The following FRMPD4 variants were observed in gnomAD, a reference collection of about 807,000 sequenced individuals.
FRMPD4 encodes FERM and PDZ domain-containing protein 4.
A neutral mutation model predicts 94.1 loss-of-function variants in FRMPD4; 22 were observed. The ratio of observed to expected loss-of-function variants is 0.23; its 90% CI spans 0.17 to 0.33. The LOEUF is 0.33. Among genes scored for constraint, FRMPD4 ranks in the 10% least tolerant of loss-of-function variants. FRMPD4 has a pLI of 1.00. For missense variants in FRMPD4, 1,111 were observed against 1,339.9 expected (o/e 0.83, Z 2.67); for synonymous variants, 631 against 548.6 (o/e 1.15, Z -2.10).
intron 1 of FRMPD4, among the ~76,000 whole-genome samples, chrX:12,230,071 A>G (rs976859679): frequency 9.0e-6 from 1 of 111,035 alleles, no homozygotes; most frequent in Non-Finnish European, 1.9e-5. Context: ...AGGCTCTTCC[A>G]TGCCTTCTTC....
chrX:12,542,531 G>A lies in FRMPD4; in HGVS notation c.158+43735G>A, dbSNP rs1381959875. Among the ~76,000 whole-genome samples the A allele has an allele frequency of 9.8e-5, 11 of 111,906 alleles. No homozygotes were observed. The Admixed American group carries it at 1.0e-3, about 11-fold the overall frequency. The stretch of plus-strand genomic sequence containing the variant: ...ACCTAGGAAGGAATTCAACTTACAA[G>A]GGATGTGAAGAACCTCTTCAAGGAG... On this transcript the variant is annotated intron_variant, in intron 2 of 16. Coordinates refer to ENST00000675598, the MANE Select transcript of FRMPD4 (RefSeq NM_001368397.1).
At chrX:12,135,069 T>G (rs1344255172), upstream of FRMPD4, among the ~76,000 whole-genome samples, 1 of 112,172 alleles carries the variant, frequency 8.9e-6, no homozygotes, top group Non-Finnish European at 1.9e-5. Context: ...TGTGTCTGGT[T>G]TTCAGAAATG....
At chrX:11,961,736 A>T (rs1192974345) in intron 3 of FRMPD4, among the ~76,000 whole-genome samples, 2 of 110,775 alleles carry the variant, frequency 1.8e-5, no homozygotes, top group Admixed American at 9.6e-5. Context: ...AAGCCCCTTC[A>T]CTATGCGGTA....
chrX:11,987,087 C>G (rs1472399425), intron 3 of FRMPD4, among the ~76,000 whole-genome samples: 2 of 40,955 alleles, frequency 4.9e-5, no homozygotes, highest in Non-Finnish European at 7.9e-5. Flanking sequence ...CAAGACCAGG[C>G]AAAGACACAT....
chrX:12,193,825 AGG>A lies in FRMPD4; in HGVS notation c.41+54814_41+54815del, dbSNP rs1569186690. 2.4e-3 allele frequency among the ~76,000 whole-genome samples: 85 copies of A among 36,123 alleles called. 19 individuals carry two copies. Among genetic ancestry groups the A allele is most frequent in the African/African-American group, 0.012 (72 of 6,120 alleles). 31.4% of individuals were successfully genotyped at this position (36,123 alleles called of 115,157 possible). ...AAGGAAGGAAGGAAGGAAGGAAGGA[AGG>A]AGGGAAGGAAGAAAGAAAAGAAAGA... On this transcript the variant is annotated intron_variant, in intron 1 of 16. Transcript: ENST00000675598.
intron 1 of FRMPD4, among the ~76,000 whole-genome samples, chrX:12,250,878 G>A (rs2054029434): frequency 9.0e-6 from 1 of 111,125 alleles, no homozygotes; most frequent in South Asian, 3.9e-4. Context: ...GGCCGTTGCT[G>A]GGAGAGGCCT....
chrX:11,847,587 G>A (rs778749248), intron 1 of FRMPD4, among the ~76,000 whole-genome samples: 2 of 108,085 alleles, frequency 1.9e-5, no homozygotes, highest in African/African-American at 3.5e-5. Flanking sequence ...GCACACGTAT[G>A]TTTATTGCGG....
intron 1 of FRMPD4, among the ~76,000 whole-genome samples, chrX:12,312,377 C>T (rs978649656): frequency 1.9e-5 from 2 of 105,738 alleles, no homozygotes; most frequent in South Asian, 4.4e-4. Flanking sequence ...CTCAGCCTCC[C>T]GAGTAGCTGG....
At chrX:12,564,155 A>G (rs1277341179) in intron 2 of FRMPD4, among the ~76,000 whole-genome samples, 4 of 111,464 alleles carry the variant, frequency 3.6e-5, no homozygotes, top group Non-Finnish European at 5.7e-5. Context: ...CACTAATCCT[A>G]TTTGTGAGGG....
intron 3 of FRMPD4, among the ~76,000 whole-genome samples, chrX:11,961,241 T>G (rs774359797): frequency 8.9e-5 from 10 of 112,237 alleles, no homozygotes; most frequent in Non-Finnish European, 1.7e-4. Flanking sequence ...CTCTCTCTCC[T>G]CTTCTGGAGC....
chrX:11,909,617 C>G (rs2053985885), intron 3 of FRMPD4, among the ~76,000 whole-genome samples: 1 of 109,628 alleles, frequency 9.1e-6, no homozygotes, highest in African/African-American at 3.3e-5. Context: ...TGAGTTGGAG[C>G]TTAAAACACT....
chrX:12,615,035 AC>A (rs1362415796), intron 4 of FRMPD4, among the ~76,000 whole-genome samples, 154 bp downstream of exon 4: 2 of 111,646 alleles, frequency 1.8e-5, no homozygotes, highest in African/African-American at 6.5e-5. Context: ...GCTGACACTG[AC>A]CTGTAATATC....
intron 9 of FRMPD4, 76 bp from the exon 10 acceptor site, chrX:12,701,798 A>G: frequency 9.4e-7 from 1 of 1,061,692 alleles, no homozygotes; most frequent in Non-Finnish European, 1.3e-6. Context: ...CGGGAAATGT[A>G]TGTCACCTGT....
At chrX:12,075,967 A>T (rs1323712788) in intron 3 of FRMPD4, among the ~76,000 whole-genome samples, 1 of 111,858 alleles carries the variant, frequency 8.9e-6, no homozygotes, top group Non-Finnish European at 1.9e-5. Flanking sequence ...TTATTCTATG[A>T]ATTCTTTTTG....
chrX:12,508,091 A>T (rs1192361709), intron 2 of FRMPD4, among the ~76,000 whole-genome samples: 2 of 112,582 alleles, frequency 1.8e-5, no homozygotes, highest in Non-Finnish European at 3.8e-5. Context: ...TGTACTTTCA[A>T]AAAGTTAATT....
intron 3 of FRMPD4, among the ~76,000 whole-genome samples, chrX:12,095,342 C>T (rs1201820484): frequency 9.5e-6 from 1 of 105,185 alleles, no homozygotes; most frequent in East Asian, 3.0e-4. Flanking sequence ...TATGCCACTG[C>T]ACTCCAGCCT....
At chrX:12,045,964 G>C (rs1431072730) in intron 3 of FRMPD4, among the ~76,000 whole-genome samples, 1 of 111,292 alleles carries the variant, frequency 9.0e-6, no homozygotes. Context: ...CCATTAGTTT[G>C]GGACAAATAA....
At chrX:11,843,100 T>A (rs189271692) in intron 1 of FRMPD4, among the ~76,000 whole-genome samples, 3 of 112,181 alleles carry the variant, frequency 2.7e-5, no homozygotes, top group Non-Finnish European at 5.6e-5. Context: ...GTGCATGAAA[T>A]TAGTTGATTT....
Position 12,301,059 on chromosome X carries a change from A to G in FRMPD4, c.41+162047A>G, listed in dbSNP as rs191323753. On this transcript the variant is annotated intron_variant, in intron 1 of 16. Coordinates refer to ENST00000675598, the MANE Select transcript of FRMPD4 (RefSeq NM_001368397.1). ...CCTGGGCTGGAAACCTCCGTGGTCT[A>G]TAACTGCTTTCTCTTTCTCACTTTC... Among the ~76,000 whole-genome samples the G allele has an allele frequency of 2.7e-4, 30 of 111,736 alleles. No individual in the cohort carries two copies. The South Asian group carries it at 8.0e-3, about 30-fold the overall frequency.
Sources: gnomAD v4.1 joint callset for allele counts (sites outside exome capture counted in the v4.1 genomes callset) on GRCh38, gnomAD v4.1.1 for gene constraint, MANE v1.5 for transcripts, NCBI Gene and HGNC (gene_info 2026-07-23, HGNC 2026-07-21) for gene names.